CAMKMT: variants seen among roughly 807,000 people sequenced by gnomAD.
CAMKMT encodes calmodulin-lysine N-methyltransferase, also known as CaM KMT.
A neutral mutation model predicts 48.0 loss-of-function variants in CAMKMT; 53 were observed. The ratio of observed to expected loss-of-function variants is 1.10; its 90% confidence interval spans 0.89 to 1.39. The LOEUF is 1.39. CAMKMT is among the 40% of genes most tolerant of loss of function. The probability of loss-of-function intolerance (pLI) is 0.00; values close to 1 mark genes in which losing one functional copy is unlikely to be tolerated. For synonymous variants in CAMKMT, 165 were observed against 152.3 expected (o/e 1.08, Z -0.61); for missense variants, 428 against 402.7 (o/e 1.06, Z -0.54).
At chr2:44,766,700 G>GT (rs1449231651) in intron 10 of CAMKMT, 139 bp downstream of exon 10, 12 of 890,658 alleles carry the variant, frequency 1.3e-5, no homozygotes, top group Non-Finnish European at 2.0e-5. Context: ...ATTTGTATCT[G>GT]ATTATTTTGT....
At chr2:44,726,810 G>A (rs1450240408) in intron 7 of CAMKMT, among the ~76,000 whole-genome samples, 2 of 152,118 alleles carry the variant, frequency 1.3e-5, no homozygotes, top group Non-Finnish European at 2.9e-5. Flanking sequence ...CAATAGGTAG[G>A]GGTCCAATTT....
intron 3 of CAMKMT, among the ~76,000 whole-genome samples, chr2:44,519,316 C>T (rs1291104021): frequency 6.6e-6 from 1 of 152,128 alleles, no homozygotes; most frequent in Non-Finnish European, 1.5e-5. Flanking sequence ...TCCATTGGAA[C>T]ATATTTTGAA....
chr2:44,502,664 G>T (rs1412302524), intron 3 of CAMKMT, among the ~76,000 whole-genome samples: 1 of 152,088 alleles, frequency 6.6e-6, no homozygotes, highest in Non-Finnish European at 1.5e-5. Flanking sequence ...TTTCAAGGTG[G>T]TTCATAAAGG....
At chr2:44,497,872 T>G (rs1444329816) in intron 3 of CAMKMT, among the ~76,000 whole-genome samples, 1 of 152,020 alleles carries the variant, frequency 6.6e-6, no homozygotes, top group Non-Finnish European at 1.5e-5. Flanking sequence ...CAGGGTGAAG[T>G]CTTCTTACCA....
intron 3 of CAMKMT, among the ~76,000 whole-genome samples, chr2:44,654,615 C>T (rs1206159978): frequency 6.6e-6 from 1 of 152,142 alleles, no homozygotes; most frequent in African/African-American, 2.4e-5. Context: ...TGGGTTCAAG[C>T]AGTTCTTGTG....
At chr2:44,538,145 G>A (rs1445029772) in intron 3 of CAMKMT, among the ~76,000 whole-genome samples, 2 of 151,972 alleles carry the variant, frequency 1.3e-5, no homozygotes, top group African/African-American at 4.8e-5. Flanking sequence ...CGAGGCGGGT[G>A]GATCACGAGG....
At chr2:44,591,924 G>A (rs1360144843) in intron 3 of CAMKMT, among the ~76,000 whole-genome samples, 7 of 152,226 alleles carry the variant, frequency 4.6e-5, no homozygotes, top group Admixed American at 1.3e-4. Flanking sequence ...GAACATGGAT[G>A]AAATTGGAAA....
At chr2:44,713,510 C>A (rs1677996856) in intron 6 of CAMKMT, among the ~76,000 whole-genome samples, 2 of 152,116 alleles carry the variant, frequency 1.3e-5, no homozygotes, top group Admixed American at 1.3e-4. Flanking sequence ...GAAATAATTT[C>A]TTCCTGAAAT....
chr2:44,441,337 G>C (rs560651478), intron 3 of CAMKMT, among the ~76,000 whole-genome samples: 1 of 152,102 alleles, frequency 6.6e-6, no homozygotes, highest in South Asian at 2.1e-4. Context: ...CAGTGTTGCT[G>C]GGTGATAACA....
chr2:44,738,397 C>T lies in CAMKMT; in HGVS notation c.624-5225C>T, dbSNP rs569372611. Reference sequence around the variant, plus strand: ...AAAAAGCTAAATGAGGGCCTTGTTACGCCATCTTTGCTGGAAGCAGAAATC... The same window carrying T: ...AAAAAGCTAAATGAGGGCCTTGTTATGCCATCTTTGCTGGAAGCAGAAATC... On this transcript the variant is annotated intron_variant, in intron 7 of 10. Coordinates refer to ENST00000378494, the MANE Select transcript of CAMKMT (RefSeq NM_024766.5). Among the ~76,000 whole-genome samples the T allele has an allele frequency of 1.7e-3, 255 of 152,344 alleles. 7 individuals carry two copies. In the South Asian group the frequency reaches 0.049, roughly 29 times the overall value.
chr2:44,399,623 A>C (rs1054806014), intron 3 of CAMKMT, among the ~76,000 whole-genome samples: 1 of 149,572 alleles, frequency 6.7e-6, no homozygotes, highest in Admixed American at 6.6e-5. Flanking sequence ...CAAAATAATC[A>C]AGAAAAAAAA....
At chr2:44,377,546 T>C (rs1679822714) in intron 2 of CAMKMT, among the ~76,000 whole-genome samples, 1 of 152,208 alleles carries the variant, frequency 6.6e-6, no homozygotes, top group Non-Finnish European at 1.5e-5. Context: ...TTGCATATTC[T>C]GGAAGCTTTA....
intron 3 of CAMKMT, among the ~76,000 whole-genome samples, chr2:44,426,991 AG>A (rs1488331859): frequency 6.6e-6 from 1 of 152,216 alleles, no homozygotes; most frequent in Non-Finnish European, 1.5e-5. Flanking sequence ...CCAATGGAAC[AG>A]AATAGAGAAT....
At chr2:44,418,529 C>T (rs572252462) in intron 3 of CAMKMT, among the ~76,000 whole-genome samples, 1 of 152,224 alleles carries the variant, frequency 6.6e-6, no homozygotes, top group Middle Eastern at 3.4e-3. Context: ...TACTGTTGCA[C>T]ATCCTTTTTG....
chr2:44,456,589 G>A, intron 3 of CAMKMT: 1 of 1,549,804 alleles, frequency 6.5e-7, no homozygotes, highest in Non-Finnish European at 8.7e-7. Context: ...AGGGGAAAAT[G>A]AAGATATCAC....
intron 3 of CAMKMT, among the ~76,000 whole-genome samples, chr2:44,686,168 C>T (rs547515717): frequency 7.7e-4 from 117 of 151,964 alleles, no homozygotes; most frequent in Admixed American, 1.1e-3. Context: ...CTGAGGTGGG[C>T]GGATCATGAG....
At chr2:44,544,036 T>C (rs1667265052) in intron 3 of CAMKMT, among the ~76,000 whole-genome samples, 1 of 152,196 alleles carries the variant, frequency 6.6e-6, no homozygotes, top group South Asian at 2.1e-4. Context: ...GACAAAAATC[T>C]ACTATACTAC....
chr2:44,411,700 A>G (rs1184167692), intron 3 of CAMKMT, among the ~76,000 whole-genome samples: 1 of 152,076 alleles, frequency 6.6e-6, no homozygotes, highest in Non-Finnish European at 1.5e-5. Flanking sequence ...TATGTATTGT[A>G]TCCTTTCCCC....
intron 3 of CAMKMT, among the ~76,000 whole-genome samples, chr2:44,625,972 A>G (rs1359035869): frequency 2.0e-5 from 3 of 152,032 alleles, no homozygotes; most frequent in Non-Finnish European, 2.9e-5. Flanking sequence ...CTTTTTCCAC[A>G]TTGGTTTTGG....
Sources: gnomAD v4.1 joint callset for allele counts (sites outside exome capture counted in the v4.1 genomes callset) on GRCh38, gnomAD v4.1.1 for gene constraint, MANE v1.5 for transcripts, NCBI Gene and HGNC (gene_info 2026-07-23, HGNC 2026-07-21) for gene names.